Variants in ELP1 observed in about 807,000 individuals in gnomAD.
ELP1 encodes the protein elongator acetyltransferase complex subunit 1.
ELP1 carries 131 observed loss-of-function variants against 183.2 expected under a neutral mutation model. That is an observed-to-expected ratio of 0.72 (90% CI 0.62 to 0.83). The LOEUF is 0.83. Ranked by LOEUF, ELP1 falls within the 40% of genes least tolerant of loss-of-function variation. The pLI, the probability that ELP1 is intolerant of heterozygous loss-of-function variation, is 0.00. For synonymous variants in ELP1, 555 were observed against 569.0 expected (o/e 0.98, Z 0.35); for missense variants, 1,550 against 1,594.9 (o/e 0.97, Z 0.48).
chr9:108,910,983 C>T, intron 12 of ELP1, 27 bp downstream of exon 12: 1 of 1,609,420 alleles, frequency 6.2e-7, no homozygotes, highest in Non-Finnish European at 8.5e-7. Context: ...TGATTCAGAA[C>T]ATCTTGGCAA....
intron 29 of ELP1, among the ~76,000 whole-genome samples, chr9:108,882,483 T>C (rs1369629314): frequency 6.6e-6 from 1 of 152,180 alleles, no homozygotes; most frequent in African/African-American, 2.4e-5. Flanking sequence ...CTCCCCAGCT[T>C]TACTACCAAG....
intron 25 of ELP1, among the ~76,000 whole-genome samples, chr9:108,895,228 CAAAAAT>C (rs1055496418): frequency 2.6e-5 from 4 of 151,932 alleles, no homozygotes; most frequent in African/African-American, 9.7e-5. Context: ...GACCTTGTCT[CAAAAAT>C]AAATAAATAA....
rs778115996 is a variant in ELP1, at chr9:108,898,655, CAGCTT to C, written c.2283+11_2283+15del. On this transcript the variant is annotated intron_variant, in intron 21 of 36. Transcript: ENST00000374647. ...GTACAAAGTAAGCTAGAGTAAATGA[CAGCTT>C]AGAAAGTTACCTTAGGGTTATGATC... The C allele has an allele frequency of 3.7e-6, 6 of 1,604,994 alleles. No homozygotes were observed. In the African/African-American group the frequency reaches 6.7e-5, roughly 18 times the overall value.
rs2131980345 is a variant in ELP1, at chr9:108,896,639, C to T, written c.2593G>A (p.Ala865Thr). The part of the protein sequence containing the change: ...LQKVHELQGN[A>T]PSDPDAVSAE... ...CTCACAGCATCAGGATCAGAGGGAG[C>T]ATTTCCTAACAGTGTTTAGAAAACA... Residue 865 changes from alanine (A) to threonine (T), a missense_variant, in exon 25 of 37, where the codon GCT (alanine) becomes ACT (threonine). Coordinates refer to ENST00000374647, the MANE Select transcript of ELP1 (RefSeq NM_003640.5). 2 of 1,613,834 alleles carry T rather than the reference C, an allele frequency of 1.2e-6. No homozygotes were observed. Among genetic ancestry groups the T allele is most frequent in the East Asian group, 4.5e-5 (2 of 44,880 alleles).
chr9:108,886,961 C>A (rs1828147341), intron 29 of ELP1, among the ~76,000 whole-genome samples: 5 of 147,022 alleles, frequency 3.4e-5, no homozygotes, highest in Admixed American at 3.4e-4. Context: ...GTAATCCCAG[C>A]ACTTTGGGAG....
chr9:108,916,054 A>G (rs1829418017), intron 10 of ELP1, 150 bp downstream of exon 10: 3 of 721,714 alleles, frequency 4.2e-6, no homozygotes, highest in Non-Finnish European at 7.6e-6. Context: ...ACAATCAATC[A>G]AAACCTAACC....
At chr9:108,884,245 T>A (rs12347822) in intron 29 of ELP1, among the ~76,000 whole-genome samples, 2 of 152,000 alleles carry the variant, frequency 1.3e-5, no homozygotes, top group African/African-American at 4.8e-5. Context: ...TATGCACCTA[T>A]AACAGAGCTT....
At position 108,897,303 on chromosome 9, in the gene ELP1, T is replaced by A. The variant is rs371423819; in HGVS notation, c.2364-18A>T. The A allele has an allele frequency of 1.2e-6, 2 of 1,613,764 alleles. No individual in the cohort carries two copies. Among genetic ancestry groups the A allele is most frequent in the East Asian group, 2.2e-5 (1 of 44,882 alleles). ...CTTCTTCTCTAAGAACAGGTGTGTA[T>A]GGAATGGTCATCAACAGAACATGTA... On this transcript the variant is annotated intron_variant, in intron 22 of 36. Coordinates refer to ENST00000374647, the MANE Select transcript of ELP1 (RefSeq NM_003640.5).
At chr9:108,890,773 C>A (rs1235350828) in intron 28 of ELP1, among the ~76,000 whole-genome samples, 1 of 152,228 alleles carries the variant, frequency 6.6e-6, no homozygotes, top group African/African-American at 2.4e-5. Flanking sequence ...CAGGGCACAG[C>A]CCATCCAGCT....
In ELP1 at chr9:108,891,407, G is replaced by T; in HGVS notation, c.2959-3C>A. The T allele has an allele frequency of 6.2e-7, 1 of 1,612,436 alleles. No homozygotes were observed. The highest frequency in any genetic ancestry group is 8.5e-7 in the Non-Finnish European group (1 of 1,179,314). On this transcript the variant is annotated splice_region_variant and splice_polypyrimidine_tract_variant and intron_variant, in intron 27 of 36. Transcript: ENST00000374647. ...TCCCCATAAGCAATGCTGATATCCTGTGACAAGAGGAGATTTAGGACTGAG... is the reference window on the plus strand; with the variant it reads ...TCCCCATAAGCAATGCTGATATCCTTTGACAAGAGGAGATTTAGGACTGAG...
intron 29 of ELP1, among the ~76,000 whole-genome samples, chr9:108,888,517 T>C (rs1175881601): frequency 6.6e-6 from 1 of 152,242 alleles, no homozygotes; most frequent in Non-Finnish European, 1.5e-5. Flanking sequence ...ATCCATTTAA[T>C]TAACCCTCGA....
chr9:108,914,340 A>G (rs143837120), intron 10 of ELP1, among the ~76,000 whole-genome samples: 16 of 131,068 alleles, frequency 1.2e-4, no homozygotes, highest in African/African-American at 4.3e-4. Flanking sequence ...CAGAGCTTGC[A>G]GTGACCGAGA....
chr9:108,881,670 C>T, intron 31 of ELP1, 35 bp downstream of exon 31: 1 of 1,343,360 alleles, frequency 7.4e-7, no homozygotes, highest in Non-Finnish European at 1.1e-6. Flanking sequence ...CACCTTCTTC[C>T]AAATGAGGAA....
chr9:108,872,803 TGAAAAAAAAAAAAAAAAA>T (rs1383128858), intron 36 of ELP1, among the ~76,000 whole-genome samples: 6 of 62,808 alleles, frequency 9.6e-5, no homozygotes, highest in South Asian at 1.5e-3. Context: ...AGACTCTGTC[TGAAAAAAAAAAAAAAAAA>T]AAAAAAAAAA....
chr9:108,899,798 C>A, intron 20 of ELP1, 24 bp downstream of exon 20: 1 of 1,592,350 alleles, frequency 6.3e-7, no homozygotes, highest in African/African-American at 1.3e-5. Context: ...GCTAACTAGT[C>A]GCAAACAGTA....
chr9:108,904,535 T>C (rs1424599040), intron 14 of ELP1, among the ~76,000 whole-genome samples: 1 of 152,176 alleles, frequency 6.6e-6, no homozygotes, highest in African/African-American at 2.4e-5. Flanking sequence ...AACTAAACAT[T>C]ATAACAATAG....
chr9:108,902,874 A>C lies in ELP1; in HGVS notation c.1819T>G (p.Cys607Gly). ...ATCATGGCCAATTCGGTCTGGGTGCATGGATAAGGAAACCGAACAGGAAAT... is the reference window on the plus strand; with the variant it reads ...ATCATGGCCAATTCGGTCTGGGTGCCTGGATAAGGAAACCGAACAGGAAAT... Reference protein sequence around the residue: ...GGFPVRFPYPCTQTELAMIGE... With the variant: ...GGFPVRFPYPGTQTELAMIGE... The change falls in exon 16 of 37, where the codon TGC becomes GGC. Residue 607 changes from cysteine (C) to glycine (G), a missense_variant. By Grantham distance (159) the Cys-to-Gly change is radical (BLOSUM62 -3). Transcript: ENST00000374647. The C allele has an allele frequency of 6.2e-7, 1 of 1,613,974 alleles. No individual in the cohort carries two copies. Among genetic ancestry groups the C allele is most frequent in the Non-Finnish European group, 8.5e-7 (1 of 1,179,892 alleles).
intron 29 of ELP1, among the ~76,000 whole-genome samples, chr9:108,885,974 C>T (rs1481904530): frequency 6.6e-6 from 1 of 152,156 alleles, no homozygotes; most frequent in East Asian, 1.9e-4. Flanking sequence ...CAGGCCTTGG[C>T]AGAGGTGCCT....
chr9:108,874,986 A>C lies in ELP1; in HGVS notation c.3856-16T>G. 6.4e-7 allele frequency: 1 copy of C among 1,553,906 alleles called. No homozygotes were observed. Among genetic ancestry groups the C allele is most frequent in the South Asian group, 1.1e-5 (1 of 89,850 alleles). On this transcript the variant is annotated splice_polypyrimidine_tract_variant and intron_variant, in intron 35 of 36. Coordinates refer to ENST00000374647, the MANE Select transcript of ELP1 (RefSeq NM_003640.5). ...GACCTAGAACCTGAGGAGAAAATAG[A>C]CTGTATCAGCAAAGATTATCTAATA... is the stretch of plus-strand genomic sequence containing the variant.
Sources: allele counts gnomAD v4.1 joint callset (sites outside exome capture counted in the v4.1 genomes callset), GRCh38; gene constraint gnomAD v4.1.1; transcripts MANE v1.5; gene names NCBI Gene and HGNC (gene_info 2026-07-23, HGNC 2026-07-21).